PVT1: variants seen among roughly 807,000 people sequenced by gnomAD.
PVT1 encodes Pvt1 oncogene.
At position 128,093,042 on chromosome 8, in the gene PVT1, T is replaced by C. The variant is rs114321207; in HGVS notation, n.1115-3476T>C. On this transcript the variant is annotated intron_variant and non_coding_transcript_variant, in intron 5 of 10. Coordinates refer to ENST00000651587, the Ensembl canonical transcript of PVT1. ...TCTGACTGCCGCATCTGGAATAATA[T>C]ATATATGCAACTTTAAGATCTGTCT... is the stretch of plus-strand genomic sequence containing the variant. Among the ~76,000 whole-genome samples the C allele has an allele frequency of 8.4e-3, 1,275 of 152,336 alleles. 18 individuals carry two copies. The highest frequency in any genetic ancestry group is 0.027 in the African/African-American group (1,143 of 41,574).
intron 2 of PVT1, among the ~76,000 whole-genome samples, chr8:127,846,648 C>T (rs142230000): frequency 1.2e-4 from 19 of 152,144 alleles, no homozygotes; most frequent in Admixed American, 3.3e-4. Context: ...TGGGTCTGCA[C>T]AATATAAAGA....
At chr8:128,068,093 CCT>C in intron 4 of PVT1, among the ~76,000 whole-genome samples, 2 of 152,132 alleles carry the variant, frequency 1.3e-5, no homozygotes, top group African/African-American at 4.8e-5. Flanking sequence ...CCTCTTGCCC[CCT>C]GTTCCTGCTG....
chr8:127,912,977 C>T (rs150680418), intron 3 of PVT1, among the ~76,000 whole-genome samples: 1,550 of 152,186 alleles, frequency 0.01, 20 homozygotes, highest in African/African-American at 0.033. Flanking sequence ...GGATTACAGG[C>T]GTGAGCCACG....
intron 2 of PVT1, among the ~76,000 whole-genome samples, chr8:127,887,939 T>TTG (rs1363906128): frequency 2.4e-5 from 3 of 124,832 alleles, no homozygotes; most frequent in Admixed American, 8.2e-5. Context: ...TTGTTTTTTT[T>TTG]TTTTTTTTTT....
At chr8:127,818,688 C>T (rs1000109912) in intron 2 of PVT1, among the ~76,000 whole-genome samples, 3 of 152,180 alleles carry the variant, frequency 2.0e-5, no homozygotes, top group African/African-American at 4.8e-5. Flanking sequence ...CCCCCTCTGC[C>T]GCTTCAAAAC....
chr8:128,064,521 A>G (rs1813877328), intron 4 of PVT1, among the ~76,000 whole-genome samples: 1 of 152,160 alleles, frequency 6.6e-6, no homozygotes, highest in Admixed American at 6.5e-5. Flanking sequence ...TCATCTGGGA[A>G]ATGTGCTATA....
chr8:127,964,580 G>C (rs910950059), intron 3 of PVT1, among the ~76,000 whole-genome samples: 2 of 152,108 alleles, frequency 1.3e-5, no homozygotes, highest in Non-Finnish European at 2.9e-5. Context: ...AGTTCTGGAG[G>C]CCAGAAGTCT....
intron 4 of PVT1, among the ~76,000 whole-genome samples, chr8:128,042,852 C>G (rs888289868): frequency 1.3e-5 from 2 of 152,016 alleles, no homozygotes; most frequent in Admixed American, 1.3e-4. Context: ...CAACCTCTGC[C>G]TCCTGGGTTC....
intron 4 of PVT1, among the ~76,000 whole-genome samples, chr8:127,990,029 A>G (rs1461747123): frequency 1.3e-5 from 2 of 152,176 alleles, no homozygotes; most frequent in African/African-American, 2.4e-5. Flanking sequence ...GAGTTTTTGC[A>G]AATTATTCCT....
intron 3 of PVT1, among the ~76,000 whole-genome samples, chr8:127,936,362 T>G (rs1312486903): frequency 1.3e-5 from 2 of 152,114 alleles, no homozygotes; most frequent in East Asian, 3.9e-4. Flanking sequence ...GACAGTGTCT[T>G]CTCTAAGCAG....
At chr8:127,811,072 G>T (rs1199900893) in intron 2 of PVT1, among the ~76,000 whole-genome samples, 1 of 152,138 alleles carries the variant, frequency 6.6e-6, no homozygotes, top group Non-Finnish European at 1.5e-5. Flanking sequence ...GAAGTGTCCG[G>T]ATTGGCAAAC....
At chr8:127,922,283 C>T (rs1190352099) in intron 3 of PVT1, among the ~76,000 whole-genome samples, 3 of 144,318 alleles carry the variant, frequency 2.1e-5, no homozygotes, top group Non-Finnish European at 4.6e-5. Context: ...CCCACCCCCC[C>T]CCCCACCAAG....
intron 2 of PVT1, among the ~76,000 whole-genome samples, chr8:127,813,199 T>C (rs1266074589): frequency 6.8e-6 from 1 of 147,018 alleles, no homozygotes; most frequent in East Asian, 1.9e-4. Flanking sequence ...TACAAATATA[T>C]ATAATATACA....
intron 3 of PVT1, among the ~76,000 whole-genome samples, chr8:127,964,583 A>G (rs1475340379): frequency 1.3e-5 from 2 of 152,176 alleles, no homozygotes; most frequent in African/African-American, 2.4e-5. Context: ...TCTGGAGGCC[A>G]GAAGTCTGAA....
chr8:128,008,234 T>C (rs1817270769), intron 4 of PVT1, among the ~76,000 whole-genome samples: 1 of 152,208 alleles, frequency 6.6e-6, no homozygotes, highest in Non-Finnish European at 1.5e-5. Context: ...TACTGTGAAA[T>C]TTTGTTTACG....
chr8:127,829,847 C>G (rs1289593665), intron 2 of PVT1, among the ~76,000 whole-genome samples: 1 of 152,142 alleles, frequency 6.6e-6, no homozygotes, highest in African/African-American at 2.4e-5. Flanking sequence ...GCTAGAAATC[C>G]AAATTCAGGG....
chr8:128,023,442 C>A (rs751069717), intron 4 of PVT1, among the ~76,000 whole-genome samples: 1 of 152,104 alleles, frequency 6.6e-6, no homozygotes, highest in South Asian at 2.1e-4. Context: ...CCACTGAGCT[C>A]GTTGTGCACC....
intron 2 of PVT1, among the ~76,000 whole-genome samples, chr8:127,833,418 A>G (rs1159346991): frequency 6.6e-6 from 1 of 151,034 alleles, no homozygotes; most frequent in African/African-American, 2.4e-5. Context: ...GTAAGTGAAC[A>G]TCAATCCCAT....
chr8:127,805,161 C>G (rs1179232310), intron 2 of PVT1, among the ~76,000 whole-genome samples: 1 of 151,558 alleles, frequency 6.6e-6, no homozygotes, highest in Non-Finnish European at 1.5e-5. Context: ...AACTCCTGAC[C>G]TCAGGTGATC....
Sources: gnomAD v4.1 joint callset for allele counts (sites outside exome capture counted in the v4.1 genomes callset) on GRCh38, gnomAD v4.1.1 for gene constraint, MANE v1.5 for transcripts, NCBI Gene and HGNC (gene_info 2026-07-23, HGNC 2026-07-21) for gene names.